SKIC8: variants seen among roughly 807,000 people sequenced by gnomAD.
SKIC8 encodes the protein superkiller complex protein 8.
chr15:78,293,504 G>A, the SKIC8 span, among the ~76,000 whole-genome samples: 17 of 152,070 alleles, frequency 1.1e-4, no homozygotes, highest in Non-Finnish European at 2.1e-4. Context: ...GTAGTACTTC[G>A]GACTCTAAAT....
At chr15:78,291,725 G>A in the SKIC8 span, 1 of 152,188 alleles carries the variant, frequency 6.6e-6, no homozygotes, top group African/African-American at 2.4e-5. Context: ...GAGCATAACT[G>A]GCGGGAGGCG....
chr15:78,288,936 A>G, the SKIC8 span: 1 of 452,416 alleles, frequency 2.2e-6, no homozygotes, highest in Non-Finnish European at 4.4e-6. Flanking sequence ...TATCAACAAA[A>G]AGTTGTTTCC....
At chr15:78,286,374 C>T in the SKIC8 span, 12 of 419,264 alleles carry the variant, frequency 2.9e-5, no homozygotes, top group Non-Finnish European at 5.1e-5. Context: ...AGAATAAAAT[C>T]CTTCACAAGC....
chr15:78,297,439 C>T, the SKIC8 span, among the ~76,000 whole-genome samples: 1 of 152,190 alleles, frequency 6.6e-6, no homozygotes, highest in South Asian at 2.1e-4. Context: ...ACAGAATCCA[C>T]AAATAATGAG....
At chr15:78,294,823 C>T in the SKIC8 span, 2 of 1,064,812 alleles carry the variant, frequency 1.9e-6, no homozygotes, top group Admixed American at 2.1e-5. Context: ...TTTCAGCTGC[C>T]AATTCTTCTG....
the SKIC8 span, chr15:78,292,816 T>C: frequency 3.1e-6 from 5 of 1,609,892 alleles, no homozygotes; most frequent in Non-Finnish European, 4.2e-6. Context: ...GAAATGGATT[T>C]CTTCACAAAG....
the SKIC8 span, chr15:78,292,317 G>T: frequency 3.2e-6 from 1 of 315,362 alleles, no homozygotes; most frequent in Non-Finnish European, 6.1e-6. Context: ...TTTTTCTACA[G>T]GTTTACTACC....
At chr15:78,283,357 A>G in the SKIC8 span, 1 of 1,185,918 alleles carries the variant, frequency 8.4e-7, no homozygotes, top group Non-Finnish European at 1.2e-6. Flanking sequence ...TCTTTTAAAC[A>G]AGCCTAAGAA....
chr15:78,292,382 CTTTA>C, the SKIC8 span: 2 of 477,352 alleles, frequency 4.2e-6, no homozygotes, highest in African/African-American at 2.0e-5. Context: ...TATTTATAGC[CTTTA>C]TTTATCTCCC....
At chr15:78,286,043 G>T in the SKIC8 span, 2 of 1,611,870 alleles carry the variant, frequency 1.2e-6, no homozygotes. Context: ...TTAAGTACCT[G>T]GAAACAAAGT....
chr15:78,285,336 C>CGAAAAGT, the SKIC8 span: 1 of 1,614,134 alleles, frequency 6.2e-7, no homozygotes. Flanking sequence ...TTTTGTCAGA[C>CGAAAAGT]GAACTATTTT....
At chr15:78,298,713 G>C in the SKIC8 span, among the ~76,000 whole-genome samples, 1 of 152,132 alleles carries the variant, frequency 6.6e-6, no homozygotes, top group Admixed American at 6.5e-5. Flanking sequence ...TTGAAAAATT[G>C]TAAGTCAAAC....
At chr15:78,289,413 AAAAC>A in the SKIC8 span, among the ~76,000 whole-genome samples, 30 of 152,080 alleles carry the variant, frequency 2.0e-4, no homozygotes, top group Non-Finnish European at 3.7e-4. Flanking sequence ...TCTCTAAAAG[AAAAC>A]AAACAAACAA....
the SKIC8 span, chr15:78,291,999 C>A: frequency 6.6e-6 from 1 of 152,410 alleles, no homozygotes; most frequent in Non-Finnish European, 1.5e-5. Flanking sequence ...TCTGTCATCT[C>A]AGATGATGTT....
the SKIC8 span, chr15:78,292,499 C>G: frequency 8.6e-7 from 1 of 1,162,130 alleles, no homozygotes. Flanking sequence ...TTCATGCACA[C>G]ATTATCACCC....
At chr15:78,286,285 C>T in the SKIC8 span, 1 of 630,820 alleles carries the variant, frequency 1.6e-6, no homozygotes, top group Non-Finnish European at 2.8e-6. Context: ...ATTCCTCTTT[C>T]AATGAAGTAG....
chr15:78,295,687 T>C, the SKIC8 span: 32 of 1,564,464 alleles, frequency 2.0e-5, no homozygotes, highest in Non-Finnish European at 1.2e-5. Flanking sequence ...GGTTGGTCAT[T>C]TCCTTAACCA....
the SKIC8 span, chr15:78,283,378 G>C: frequency 6.9e-7 from 1 of 1,452,064 alleles, no homozygotes; most frequent in South Asian, 1.2e-5. Flanking sequence ...GGTAAGGAAT[G>C]TCATGATCAA....
the SKIC8 span, chr15:78,293,257 A>AT: frequency 6.2e-7 from 1 of 1,614,154 alleles, no homozygotes; most frequent in Non-Finnish European, 8.5e-7. Flanking sequence ...AACTGACCAA[A>AT]TGGCATCATC....
Sources: gnomAD v4.1 joint callset for allele counts (sites outside exome capture counted in the v4.1 genomes callset) on GRCh38, gnomAD v4.1.1 for gene constraint, MANE v1.5 for transcripts, NCBI Gene and HGNC (gene_info 2026-07-23, HGNC 2026-07-21) for gene names.